Variants in GLIS3 observed in about 807,000 individuals in gnomAD.
The protein encoded by GLIS3 is zinc finger protein GLIS3.
A neutral mutation model predicts 78.6 loss-of-function variants in GLIS3; 53 were observed. The ratio of observed to expected loss-of-function variants is 0.67; its 90% CI spans 0.54 to 0.85. The LOEUF (loss-of-function observed/expected upper bound fraction) is 0.85, where lower values mean the gene tolerates loss of function less well. Ranked by LOEUF, GLIS3 falls within the 40% of genes least tolerant of loss-of-function variation. The pLI is 0.00. For synonymous variants in GLIS3, 684 were observed against 509.9 expected (o/e 1.34, Z -4.60); for missense variants, 1,703 against 1,231.1 (o/e 1.38, Z -5.74).
chr9:4,330,086 A>C (rs1159371017), intron 2 of GLIS3, among the ~76,000 whole-genome samples: 1 of 152,238 alleles, frequency 6.6e-6, no homozygotes, highest in African/African-American at 2.4e-5. Context: ...AAATACACAG[A>C]AATGACCAAA....
chr9:3,960,386 C>T (rs1337608404), intron 4 of GLIS3, among the ~76,000 whole-genome samples: 1 of 152,206 alleles, frequency 6.6e-6, no homozygotes, highest in Non-Finnish European at 1.5e-5. Flanking sequence ...GTTATGGCAG[C>T]CCTAGCAAAC....
chr9:4,212,169 G>T (rs930414714), intron 2 of GLIS3, among the ~76,000 whole-genome samples: 3 of 152,148 alleles, frequency 2.0e-5, no homozygotes, highest in African/African-American at 7.2e-5. Flanking sequence ...ATTATACCTC[G>T]ATTTTTAAAA....
chr9:4,196,562 T>G (rs980638760), intron 2 of GLIS3, among the ~76,000 whole-genome samples: 1 of 152,020 alleles, frequency 6.6e-6, no homozygotes, highest in Non-Finnish European at 1.5e-5. Flanking sequence ...CTGAGAGGAA[T>G]GAACAACTCC....
intron 2 of GLIS3, among the ~76,000 whole-genome samples, chr9:4,204,688 C>T (rs1437310008): frequency 6.6e-6 from 1 of 151,846 alleles, no homozygotes; most frequent in African/African-American, 2.4e-5. Flanking sequence ...GAGGCCGAGG[C>T]GGGCAGACTG....
chr9:3,889,536 G>C (rs1327267456), intron 7 of GLIS3, among the ~76,000 whole-genome samples: 2 of 152,164 alleles, frequency 1.3e-5, no homozygotes, highest in Non-Finnish European at 2.9e-5. Context: ...AAATCTGCAT[G>C]TATTACATGA....
chr9:4,243,514 C>T (rs1007468561), intron 2 of GLIS3, among the ~76,000 whole-genome samples: 18 of 152,296 alleles, frequency 1.2e-4, no homozygotes, highest in African/African-American at 2.4e-5. Context: ...TTTAATTTCG[C>T]ATTCTCTCTA....
chr9:4,274,403 T>C (rs1826800987), intron 2 of GLIS3, among the ~76,000 whole-genome samples: 1 of 152,100 alleles, frequency 6.6e-6, no homozygotes, highest in Non-Finnish European at 1.5e-5. Context: ...TGCACAGGGA[T>C]ATTCTCAGGG....
chr9:4,096,348 G>C (rs971928955), intron 4 of GLIS3, among the ~76,000 whole-genome samples: 7 of 152,138 alleles, frequency 4.6e-5, no homozygotes, highest in Non-Finnish European at 1.0e-4. Context: ...ACATAGTCCA[G>C]GAATAGTTTT....
rs1827115902 is a variant in GLIS3, at chr9:4,066,560, C to T, written c.1710+51208G>A. Reference sequence around the variant, plus strand: ...TCTGACCAGGTAATGTAAAACTGTACTAAAACTCCTCCTGCTTTCATCTGA... The same window carrying T: ...TCTGACCAGGTAATGTAAAACTGTATTAAAACTCCTCCTGCTTTCATCTGA... On this transcript the variant is annotated intron_variant, in intron 4 of 10. Coordinates refer to ENST00000381971, the MANE Select transcript of GLIS3 (RefSeq NM_001042413.2). Among the ~76,000 whole-genome samples, 2 of 152,204 alleles carry T rather than the reference C, an allele frequency of 1.3e-5. 1 individual carries two copies. The highest frequency in any genetic ancestry group is 1.3e-4 in the Admixed American group (2 of 15,278).
At chr9:4,134,628 T>C (rs1176334385) in intron 2 of GLIS3, among the ~76,000 whole-genome samples, 2 of 152,204 alleles carry the variant, frequency 1.3e-5, no homozygotes, top group African/African-American at 2.4e-5. Context: ...GTTAATGTTA[T>C]TGTCATGATT....
chr9:4,296,903 CAAAAAAAAAAAA>C (rs71324297), intron 1 of GLIS3, among the ~76,000 whole-genome samples: 3 of 114,172 alleles, frequency 2.6e-5, no homozygotes, highest in Non-Finnish European at 3.6e-5. Flanking sequence ...TTCTCAATTG[CAAAAAAAAAAAA>C]AAAAAAAAAA....
chr9:4,196,309 T>C lies in GLIS3; in HGVS notation c.389-70368A>G, dbSNP rs1429401208. ...CTGTAAAATGGACCAATCAGCTCTCTGTAAAATGGACCAATCAGCAGGATG... is the reference window on the plus strand; with the variant it reads ...CTGTAAAATGGACCAATCAGCTCTCCGTAAAATGGACCAATCAGCAGGATG... On this transcript the variant is annotated intron_variant, in intron 2 of 10. Coordinates refer to ENST00000381971, the MANE Select transcript of GLIS3 (RefSeq NM_001042413.2). Among the ~76,000 whole-genome samples the C allele has an allele frequency of 2.0e-5, 3 of 152,230 alleles. 1 individual carries two copies. The highest frequency in any genetic ancestry group is 4.4e-5 in the Non-Finnish European group (3 of 68,038).
At chr9:4,355,098 T>C in the GLIS3 span, among the ~76,000 whole-genome samples, 1 of 150,782 alleles carries the variant, frequency 6.6e-6, no homozygotes, top group African/African-American at 2.4e-5. Flanking sequence ...ACCACTGCAC[T>C]CTTAGCCTGG....
chr9:4,289,003 C>G (rs545112966), intron 1 of GLIS3, among the ~76,000 whole-genome samples: 21 of 152,154 alleles, frequency 1.4e-4, no homozygotes, highest in Middle Eastern at 3.4e-3. Context: ...ATAATATTTT[C>G]TATACTTTTT....
rs751653710 is a variant in GLIS3 at position 4,126,321 on chromosome 9, G to GA, written c.389-381dup. On this transcript the variant is annotated intron_variant, in intron 2 of 10. Coordinates refer to ENST00000381971, the MANE Select transcript of GLIS3 (RefSeq NM_001042413.2). ...CTAATATCTTGAATCACCCAGCAAG[G>GA]AAAGTTGACACTACTGGAAAAAACC... is the stretch of plus-strand genomic sequence containing the variant. Among the ~76,000 whole-genome samples, 8 of 152,240 alleles carry GA rather than the reference G, an allele frequency of 5.3e-5. No homozygotes were observed. The East Asian group carries it at 1.4e-3, about 26-fold the overall frequency.
intron 4 of GLIS3, among the ~76,000 whole-genome samples, chr9:3,940,821 G>C (rs1375963234): frequency 1.3e-5 from 2 of 152,146 alleles, no homozygotes; most frequent in African/African-American, 4.8e-5. Flanking sequence ...CCCTATGTTA[G>C]TAATTGTATC....
chr9:4,421,491 GTC>G, the GLIS3 span, among the ~76,000 whole-genome samples: 1 of 152,328 alleles, frequency 6.6e-6, no homozygotes, highest in South Asian at 2.1e-4. Context: ...GGTGGTGTTT[GTC>G]TCTCTCAGGT....
chr9:3,932,544 C>T (rs1825684305), intron 5 of GLIS3, 74 bp from the exon 6 acceptor site: 11 of 1,073,242 alleles, frequency 1.0e-5, no homozygotes, highest in Non-Finnish European at 1.4e-5. Context: ...TACTCAAAGA[C>T]TATTGACTTC....
At chr9:3,861,524 A>G (rs539692525) in intron 8 of GLIS3, among the ~76,000 whole-genome samples, 1 of 106,752 alleles carries the variant, frequency 9.4e-6, no homozygotes, top group Admixed American at 1.1e-4. Flanking sequence ...TAGCAAAAAC[A>G]GGGAATCAAT....
Sources: gnomAD v4.1 joint callset for allele counts (sites outside exome capture counted in the v4.1 genomes callset) on GRCh38, gnomAD v4.1.1 for gene constraint, MANE v1.5 for transcripts, NCBI Gene and HGNC (gene_info 2026-07-23, HGNC 2026-07-21) for gene names.